Variants in OR6N1 observed in about 807,000 individuals in gnomAD.
OR6N1 encodes olfactory receptor 6N1.
For missense variants in OR6N1, 394 were observed against 371.7 expected (o/e 1.06, Z -0.49); for synonymous variants, 170 against 150.7 (o/e 1.13, Z -0.94).
At chr1:158,781,218 T>A in the OR6N1 span, 1 of 152,248 alleles carries the variant, frequency 6.6e-6, no homozygotes, top group African/African-American at 2.4e-5. Context: ...CCTGGATCAG[T>A]ATATGTGTGG....
chr1:158,783,411 G>C, the OR6N1 span, among the ~76,000 whole-genome samples: 1 of 152,132 alleles, frequency 6.6e-6, no homozygotes, highest in Non-Finnish European at 1.5e-5. Context: ...AAATAGAAAT[G>C]AGCTAAATAT....
chr1:158,812,276 A>T, the OR6N1 span, among the ~76,000 whole-genome samples: 1 of 152,266 alleles, frequency 6.6e-6, no homozygotes, highest in Non-Finnish European at 1.5e-5. Flanking sequence ...CACAAAACAA[A>T]ATCAATCCAG....
chr1:158,806,079 A>G, the OR6N1 span, among the ~76,000 whole-genome samples: 23 of 152,312 alleles, frequency 1.5e-4, no homozygotes, highest in South Asian at 4.6e-3. Flanking sequence ...TAGTGCTGCC[A>G]CCACAGGGAA....
chr1:158,819,319 A>C, the OR6N1 span, among the ~76,000 whole-genome samples: 1 of 152,142 alleles, frequency 6.6e-6, no homozygotes, highest in Non-Finnish European at 1.5e-5. Context: ...CCTGAACCAC[A>C]CAGAAGGGCA....
At chr1:158,768,070 A>G (rs141236406) in intron 1 of OR6N1, among the ~76,000 whole-genome samples, 1 of 152,002 alleles carries the variant, frequency 6.6e-6, no homozygotes, top group African/African-American at 2.4e-5. Context: ...CTTATTAGTC[A>G]TTCCTTCTCA....
chr1:158,829,032 CT>C, the OR6N1 span, among the ~76,000 whole-genome samples: 1 of 152,238 alleles, frequency 6.6e-6, no homozygotes, highest in African/African-American at 2.4e-5. Context: ...CACTAAGTCA[CT>C]AGGCTGCACA....
chr1:158,768,761 T>A (rs1384269742), intron 1 of OR6N1, among the ~76,000 whole-genome samples: 1 of 152,264 alleles, frequency 6.6e-6, no homozygotes, highest in African/African-American at 2.4e-5. Context: ...CCAGCTCAAC[T>A]ACCTGGGCCA....
chr1:158,823,695 T>C, the OR6N1 span, among the ~76,000 whole-genome samples: 1 of 152,158 alleles, frequency 6.6e-6, no homozygotes, highest in Non-Finnish European at 1.5e-5. Context: ...TATGGTTTTT[T>C]GTGTATCAGT....
At chr1:158,823,756 T>A in the OR6N1 span, among the ~76,000 whole-genome samples, 1 of 152,158 alleles carries the variant, frequency 6.6e-6, no homozygotes, top group Non-Finnish European at 1.5e-5. Flanking sequence ...CTACTAGCGT[T>A]CAGTTTGGTT....
At chr1:158,822,805 T>G in the OR6N1 span, among the ~76,000 whole-genome samples, 1 of 152,216 alleles carries the variant, frequency 6.6e-6, no homozygotes, top group Non-Finnish European at 1.5e-5. Flanking sequence ...AAGGGAATGC[T>G]TCCAGCCTTT....
At chr1:158,776,869 A>G (rs1657611322), upstream of OR6N1, 1 of 1,614,064 alleles carries the variant, frequency 6.2e-7, no homozygotes, top group Admixed American at 1.7e-5. Context: ...ATACATGAAG[A>G]TGATGCTCCC....
At chr1:158,811,115 A>G in the OR6N1 span, among the ~76,000 whole-genome samples, 1 of 152,188 alleles carries the variant, frequency 6.6e-6, no homozygotes, top group Non-Finnish European at 1.5e-5. Context: ...GCTCCCACTT[A>G]TAATTGAGAA....
At chr1:158,766,781 G>T in intron 1 of OR6N1, 81 bp from the exon 2 acceptor site, 2 of 824,626 alleles carry the variant, frequency 2.4e-6, no homozygotes, top group Non-Finnish European at 1.9e-6. Flanking sequence ...AATTACTATT[G>T]CCCTCCCTTC....
At chr1:158,839,474 A>C in the OR6N1 span, among the ~76,000 whole-genome samples, 2 of 152,188 alleles carry the variant, frequency 1.3e-5, no homozygotes, top group South Asian at 4.1e-4. Context: ...AGCTCTCACA[A>C]GCTGGAGCAC....
At chr1:158,771,959 C>T (rs748607285) in intron 1 of OR6N1, 62 bp downstream of exon 1, 2 of 152,332 alleles carry the variant, frequency 1.3e-5, no homozygotes, top group East Asian at 1.9e-4. Flanking sequence ...TCCTCTAGGT[C>T]TCTTAGTGAT....
At chr1:158,831,047 T>C in the OR6N1 span, among the ~76,000 whole-genome samples, 1 of 152,222 alleles carries the variant, frequency 6.6e-6, no homozygotes. Context: ...TTTGGTGTTT[T>C]GCCTTTCCCA....
At chr1:158,777,572 A>G in the OR6N1 span, 1 of 1,614,128 alleles carries the variant, frequency 6.2e-7, no homozygotes, top group South Asian at 1.1e-5. Flanking sequence ...CCCCTGACAT[A>G]GCCCACACTG....
At chr1:158,770,482 A>T (rs1279363651) in intron 1 of OR6N1, among the ~76,000 whole-genome samples, 5 of 152,224 alleles carry the variant, frequency 3.3e-5, no homozygotes, top group Non-Finnish European at 4.4e-5. Flanking sequence ...TAAAAAATTT[A>T]TTTTATTATT....
the OR6N1 span, among the ~76,000 whole-genome samples, chr1:158,810,942 A>G: frequency 6.6e-5 from 10 of 152,210 alleles, no homozygotes; most frequent in Admixed American, 5.9e-4. Context: ...AGGTAAACCT[A>G]TGTCATAGGG....
Sources: allele counts gnomAD v4.1 joint callset (sites outside exome capture counted in the v4.1 genomes callset), GRCh38; gene constraint gnomAD v4.1.1; transcripts MANE v1.5; gene names NCBI Gene and HGNC (gene_info 2026-07-23, HGNC 2026-07-21).